ANKS1B: variants seen among roughly 807,000 people sequenced by gnomAD.
ANKS1B encodes the protein ankyrin repeat and sterile alpha motif domain containing 1B, also known as ankyrin repeat and sterile alpha motif domain-containing protein 1B.
Under a neutral mutation model 148.3 loss-of-function variants are expected in ANKS1B, and 36 were observed. That is an observed-to-expected ratio of 0.24 (90% CI 0.19 to 0.32). The LOEUF (loss-of-function observed/expected upper bound fraction) is 0.32. Ranked by LOEUF, ANKS1B falls within the 10% of genes least tolerant of loss-of-function variation. The pLI, the probability that ANKS1B is intolerant of heterozygous loss-of-function variation, is 1.00. For synonymous variants in ANKS1B, 542 were observed against 560.8 expected, an observed-to-expected ratio of 0.97 and a Z score of 0.47; for missense variants, 1,157 against 1,542.6, an observed-to-expected ratio of 0.75 and a Z score of 4.19.
At chr12:99,946,120 T>C (rs2095054436) in intron 1 of ANKS1B, among the ~76,000 whole-genome samples, 1 of 152,126 alleles carries the variant, frequency 6.6e-6, no homozygotes, top group South Asian at 2.1e-4. Flanking sequence ...TAATGATTAA[T>C]ACAGGATATA....
At chr12:99,216,973 G>A (rs974899917) in intron 14 of ANKS1B, among the ~76,000 whole-genome samples, 10 of 152,154 alleles carry the variant, frequency 6.6e-5, no homozygotes, top group African/African-American at 2.4e-4. Context: ...AATATGGATG[G>A]ATGGACATAG....
intron 9 of ANKS1B, among the ~76,000 whole-genome samples, chr12:99,610,534 C>G (rs898670171): frequency 6.6e-6 from 1 of 151,974 alleles, no homozygotes; most frequent in Non-Finnish European, 1.5e-5. Context: ...TTTCTATGAA[C>G]CACCTTGGTG....
chr12:99,417,342 T>C (rs2094938196), intron 11 of ANKS1B, among the ~76,000 whole-genome samples: 1 of 152,198 alleles, frequency 6.6e-6, no homozygotes, highest in Non-Finnish European at 1.5e-5. Flanking sequence ...CTTTGTCAAA[T>C]AGCAGTCAGG....
chr12:99,400,094 C>T (rs938660850), intron 11 of ANKS1B, among the ~76,000 whole-genome samples: 1 of 152,006 alleles, frequency 6.6e-6, no homozygotes, highest in Non-Finnish European at 1.5e-5. Flanking sequence ...CAAAATTTCT[C>T]TTGGTAATCA....
intron 8 of ANKS1B, among the ~76,000 whole-genome samples, chr12:99,677,572 A>G (rs917078905): frequency 2.3e-4 from 35 of 152,190 alleles, no homozygotes; most frequent in Non-Finnish European, 2.9e-4. Flanking sequence ...TGCTGAGAAC[A>G]CTGTTGAATT....
intron 17 of ANKS1B, chr12:98,954,285 T>C (rs892381513): frequency 6.6e-6 from 1 of 152,264 alleles, no homozygotes; most frequent in Non-Finnish European, 1.5e-5. Flanking sequence ...AATTTCATGG[T>C]AAAGTAGGTG....
At chr12:99,028,800 C>T (rs1447009436) in intron 17 of ANKS1B, among the ~76,000 whole-genome samples, 1 of 152,146 alleles carries the variant, frequency 6.6e-6, no homozygotes, top group Non-Finnish European at 1.5e-5. Flanking sequence ...CGAACTGGCT[C>T]CTTTTTCATG....
intron 17 of ANKS1B, among the ~76,000 whole-genome samples, chr12:98,895,566 C>A (rs867545045): frequency 6.6e-6 from 1 of 152,224 alleles, no homozygotes; most frequent in African/African-American, 2.4e-5. Flanking sequence ...TCGCAGGAGA[C>A]GCCTCGGCAG....
chr12:99,666,857 GGTGTGTGTGTGTGTGTGT>G (rs3083633), intron 8 of ANKS1B, among the ~76,000 whole-genome samples: 20 of 132,628 alleles, frequency 1.5e-4, no homozygotes, highest in African/African-American at 4.6e-4. Context: ...GTTACTATGG[GGTGTGTGTGTGTGTGTGT>G]GTGTGTGTGT....
intron 10 of ANKS1B, among the ~76,000 whole-genome samples, chr12:99,484,762 GTGTTT>G (rs1057382240): frequency 2.7e-5 from 3 of 112,250 alleles, no homozygotes; most frequent in Non-Finnish European, 5.2e-5. Context: ...GTGTGTGTGT[GTGTTT>G]TTTTTTTTTT....
intron 1 of ANKS1B, among the ~76,000 whole-genome samples, chr12:99,909,970 T>C (rs1311493095): frequency 2.6e-5 from 4 of 152,230 alleles, no homozygotes; most frequent in African/African-American, 4.8e-5. Context: ...CCACCTAGAA[T>C]AGAGCTGAAT....
At chr12:99,743,014 C>T (rs2060268660) in intron 8 of ANKS1B, among the ~76,000 whole-genome samples, 2 of 152,136 alleles carry the variant, frequency 1.3e-5, no homozygotes. Context: ...ATCTTGATAA[C>T]AAATTATTTT....
rs560131772 is a variant in ANKS1B at position 99,034,026 on chromosome 12, G to T, written c.2778+19131C>A. ...GTGTTGAGCCAACATTGGCAGGTGC[G>T]AAAGGGAATGACACTGGGGCTGAGG... On this transcript the variant is annotated intron_variant, in intron 17 of 26. Transcript: ENST00000683438. Among the ~76,000 whole-genome samples, 8 of 152,326 alleles carry T rather than the reference G, an allele frequency of 5.3e-5. No individual in the cohort carries two copies. In the South Asian group the frequency reaches 1.5e-3, roughly 28 times the overall value.
chr12:98,736,337 A>C (rs936818896), intron 9 of ANKS1B, among the ~76,000 whole-genome samples: 1 of 152,180 alleles, frequency 6.6e-6, no homozygotes, highest in Non-Finnish European at 1.5e-5. Context: ...GATAAGAGTT[A>C]ATAGGATTTG....
intron 9 of ANKS1B, among the ~76,000 whole-genome samples, chr12:99,567,365 A>G (rs1207058124): frequency 5.9e-5 from 9 of 152,208 alleles, no homozygotes; most frequent in Non-Finnish European, 1.3e-4. Context: ...GGCCTTAGTT[A>G]CATGCAAAAA....
chr12:98,843,271 A>G (rs1296456179), intron 17 of ANKS1B, among the ~76,000 whole-genome samples: 1 of 152,180 alleles, frequency 6.6e-6, no homozygotes, highest in Non-Finnish European at 1.5e-5. Context: ...TTCTCTCAGG[A>G]GTGAGTGAGT....
intron 12 of ANKS1B, among the ~76,000 whole-genome samples, chr12:99,280,122 T>A (rs182705101): frequency 1.9e-3 from 291 of 152,184 alleles, no homozygotes; most frequent in African/African-American, 6.2e-3. Flanking sequence ...ATTTTTCAGA[T>A]GAAGGGTCTC....
At chr12:99,617,372 AG>A (rs1275027147) in intron 9 of ANKS1B, among the ~76,000 whole-genome samples, 1 of 152,210 alleles carries the variant, frequency 6.6e-6, no homozygotes, top group Non-Finnish European at 1.5e-5. Flanking sequence ...ACAATAGCAA[AG>A]ACTTGGAACC....
At chr12:98,870,104 T>C (rs890457465) in intron 17 of ANKS1B, among the ~76,000 whole-genome samples, 3 of 152,162 alleles carry the variant, frequency 2.0e-5, no homozygotes, top group African/African-American at 7.2e-5. Flanking sequence ...AACAGGGAGA[T>C]GGAAATGTAC....
Sources: gnomAD v4.1 joint callset for allele counts (sites outside exome capture counted in the v4.1 genomes callset) on GRCh38, gnomAD v4.1.1 for gene constraint, MANE v1.5 for transcripts, NCBI Gene and HGNC (gene_info 2026-07-23, HGNC 2026-07-21) for gene names.